RAD51D: variants seen among roughly 807,000 people sequenced by gnomAD.
RAD51D encodes the protein DNA repair protein RAD51 homolog 4.
In RAD51D, 38 loss-of-function variants were observed where a neutral mutation model predicts 44.1. The observed-to-expected ratio is 0.86, with a 90% CI of 0.67 to 1.13. The LOEUF (loss-of-function observed/expected upper bound fraction) is 1.13, where lower values mean the gene tolerates loss of function less well. Ranked by LOEUF, RAD51D falls within the 50% of genes most tolerant of loss-of-function variation. The pLI, the probability that RAD51D is intolerant of heterozygous loss-of-function variation, is 0.00. For missense variants in RAD51D, 390 were observed against 414.0 expected (o/e 0.94, Z 0.50); for synonymous variants, 141 against 166.6 (o/e 0.85, Z 1.18).
rs183103378 is a variant in RAD51D, at chr17:35,095,877, A to T, written c.*5076T>A. 1.3e-5 allele frequency: 2 copies of T among 152,250 alleles called. No homozygotes were observed. Among genetic ancestry groups the T allele is most frequent in the East Asian group, 3.9e-4 (2 of 5,180 alleles). The allele number at this position is 152,250 out of a possible 1,614,324, so 9.4% of individuals were successfully genotyped here. A position where few individuals can be genotyped will look rare whatever the true frequency, so the allele number is the denominator to read the frequency against. On this transcript the variant is annotated 3_prime_UTR_variant, in exon 10 of 10. Transcript: ENST00000345365. The stretch of plus-strand genomic sequence containing the variant: ...GCCTTAGTATGCAAACTAACTGAAA[A>T]CCTAATTTAGGAGTATACTTTTGTA...
At chr17:35,117,808 CCTT>C (rs1440538193) in intron 3 of RAD51D, among the ~76,000 whole-genome samples, 1 of 152,156 alleles carries the variant, frequency 6.6e-6, no homozygotes, top group East Asian at 1.9e-4. Flanking sequence ...GACCGCAACT[CCTT>C]CTTTCTCTGA....
intron 6 of RAD51D, among the ~76,000 whole-genome samples, chr17:35,105,565 G>A (rs1450364597): frequency 6.6e-6 from 1 of 152,198 alleles, no homozygotes; most frequent in Non-Finnish European, 1.5e-5. Flanking sequence ...AAAAGTTTGA[G>A]ATAAACTATT....
chr17:35,105,379 C>G (rs1233060411), intron 6 of RAD51D, among the ~76,000 whole-genome samples: 1 of 152,204 alleles, frequency 6.6e-6, no homozygotes, highest in African/African-American at 2.4e-5. Flanking sequence ...CAACCTCCAA[C>G]TGCTAGGCTC....
intron 3 of RAD51D, among the ~76,000 whole-genome samples, chr17:35,108,185 C>T (rs1434750518): frequency 2.0e-5 from 3 of 151,306 alleles, no homozygotes; most frequent in Non-Finnish European, 4.4e-5. Context: ...GTGGAGGTTA[C>T]AGTGAGCCGA....
chr17:35,119,598 C>G lies in RAD51D; in HGVS notation c.16G>C (p.Val6Leu), dbSNP rs368198698. Residue 6 changes from valine (V) to leucine (L), a missense_variant, in exon 1 of 10, where the codon GTC becomes CTC. Transcript: ENST00000345365. MGVLR[V>L]GLCPGLTEEM... is the part of the protein sequence containing the mutation. ...TCGGTAAGGCCAGGGCACAGTCCGA[C>G]CCTGAGCACGCCCATGTTCCCCGCA... The G allele has an allele frequency of 1.2e-6, 2 of 1,612,004 alleles. No homozygotes were observed. Among genetic ancestry groups the G allele is most frequent in the African/African-American group, 2.7e-5 (2 of 75,036 alleles).
At chr17:35,115,189 G>C in intron 3 of RAD51D, 1 of 479,488 alleles carries the variant, frequency 2.1e-6, no homozygotes, top group Non-Finnish European at 4.2e-6. Flanking sequence ...CTAGAATACA[G>C]GTGATTTCTG....
At position 35,096,614 on chromosome 17, in the gene RAD51D, A is replaced by T. The variant is rs1298104438; in HGVS notation, c.*4339T>A. 1 of 152,186 alleles carries T rather than the reference A, an allele frequency of 6.6e-6. No individual in the cohort carries two copies. The highest frequency in any genetic ancestry group is 1.5e-5 in the Non-Finnish European group (1 of 68,046). The allele number at this position is 152,186 out of a possible 1,614,324, so 9.4% of individuals were successfully genotyped here. A position where few individuals can be genotyped will look rare whatever the true frequency, so the allele number is the denominator to read the frequency against. The stretch of plus-strand genomic sequence containing the variant: ...GTGGCTCATGACTGTAATCCCTAGC[A>T]CTTTGGGAGGTCAAGGCGGGTAGAT... On this transcript the variant is annotated 3_prime_UTR_variant, in exon 10 of 10. Transcript: ENST00000345365.
At chr17:35,109,964 G>GT (rs1567730134) in intron 3 of RAD51D, among the ~76,000 whole-genome samples, 2 of 64,690 alleles carry the variant, frequency 3.1e-5, no homozygotes, top group East Asian at 1.3e-3. Flanking sequence ...ACCACGCCTG[G>GT]CTTTTTTTTT....
rs931704472 is a variant in RAD51D at position 35,094,737 on chromosome 17, T to C, written c.*6216A>G. On this transcript the variant is annotated 3_prime_UTR_variant, in exon 10 of 10. Coordinates refer to ENST00000345365, the MANE Select transcript of RAD51D (RefSeq NM_002878.4). ...GTCTGGATTCCCGTGCTGCCACTTA[T>C]TAGCTTTATGTCCTTAACCTCACTG... 2 of 152,242 alleles carry C rather than the reference T, an allele frequency of 1.3e-5. No individual in the cohort carries two copies. The highest frequency in any genetic ancestry group is 2.4e-5 in the African/African-American group (1 of 41,464). 9.4% of individuals were successfully genotyped at this position (152,242 alleles called of 1,614,324 possible).
At chr17:35,104,686 T>C (rs1265241154) in intron 6 of RAD51D, among the ~76,000 whole-genome samples, 1 of 152,188 alleles carries the variant, frequency 6.6e-6, no homozygotes, top group East Asian at 1.9e-4. Context: ...GCCTAGCCTG[T>C]GCCATCTTTC....
Position 35,100,167 on chromosome 17 carries a change from T to C in RAD51D, c.*786A>G, listed in dbSNP as rs2091517747. On this transcript the variant is annotated 3_prime_UTR_variant, in exon 10 of 10. Transcript: ENST00000345365. ...CAGGGCACCATGCATATTAAATGAG[T>C]GGCTGGATTCACCAGGAGCAGGTCA... The C allele has an allele frequency of 1.9e-6, 1 of 532,752 alleles. No homozygotes were observed. The highest frequency in any genetic ancestry group is 2.2e-5 in the Admixed American group (1 of 44,964). The allele number at this position is 532,752 out of a possible 1,614,324, so 33.0% of individuals were successfully genotyped here. A position where few individuals can be genotyped will look rare whatever the true frequency, so the allele number is the denominator to read the frequency against.
chr17:35,105,013 T>C (rs1395006480), intron 6 of RAD51D: 1 of 152,152 alleles, frequency 6.6e-6, no homozygotes, highest in Non-Finnish European at 1.5e-5. Context: ...AAATACTATG[T>C]CTTAAGCCAC....
rs781378161 is a variant in RAD51D, at chr17:35,107,404, T to C, written c.307A>G (p.Thr103Ala). ...CTACCTGGGCCTCCTACAATTTCAG[T>C]CACTTCTCCAGTATAGAGACCAGCA... The part of the protein sequence containing the change: ...LDAGLYTGEV[T>A]EIVGGPGSGK... The change falls in exon 4 of 10, where the codon ACT (threonine) becomes GCT (alanine). Residue 103 changes from threonine (T) to alanine (A), a missense_variant. Coordinates refer to ENST00000345365, the MANE Select transcript of RAD51D (RefSeq NM_002878.4). 8.3e-6 allele frequency: 13 copies of C among 1,566,862 alleles called. No homozygotes were observed. The African/African-American group carries it at 1.8e-4, about 21-fold the overall frequency.
At position 35,107,069 on chromosome 17, in the gene RAD51D, T is replaced by C. The variant is rs774111609; in HGVS notation, c.399A>G (p.Leu133=). 1.2e-6 allele frequency: 2 copies of C among 1,613,948 alleles called. No individual in the cohort carries two copies. The highest frequency in any genetic ancestry group is 1.7e-6 in the Non-Finnish European group (2 of 1,180,028). Reference sequence around the variant, plus strand: ...TCAGCCCTCCATTGGAATCTACATATAGGACGTTTTGCTGCAGGCCATGGG... The same window carrying C: ...TCAGCCCTCCATTGGAATCTACATACAGGACGTTTTGCTGCAGGCCATGGG... ...NVAHGLQQNV[L]YVDSNGGLTA... The change falls in exon 5 of 10, where the codon CTA becomes CTG. Residue 133 remains leucine (L), a synonymous_variant. Coordinates refer to ENST00000345365, the MANE Select transcript of RAD51D (RefSeq NM_002878.4).
chr17:35,102,240 T>C (rs562970926), intron 8 of RAD51D, among the ~76,000 whole-genome samples: 19 of 151,478 alleles, frequency 1.3e-4, no homozygotes, highest in Non-Finnish European at 2.5e-4. Context: ...TGCAGTGGCA[T>C]GATCACAGCT....
chr17:35,105,722 T>C (rs2091593779), intron 6 of RAD51D, among the ~76,000 whole-genome samples: 1 of 152,154 alleles, frequency 6.6e-6, no homozygotes, highest in Non-Finnish European at 1.5e-5. Flanking sequence ...GTTCAGCGAC[T>C]GGGCAGAAAT....
At chr17:35,106,133 G>A (rs767306128) in intron 6 of RAD51D, 3 of 649,758 alleles carry the variant, frequency 4.6e-6, no homozygotes, top group East Asian at 6.5e-5. Flanking sequence ...CTCACCTAGT[G>A]GGGAATGCAG....
chr17:35,095,322 A>C lies in RAD51D; in HGVS notation c.*5631T>G, dbSNP rs1281178612. The C allele has an allele frequency of 2.6e-5, 4 of 152,150 alleles. No individual in the cohort carries two copies. Among genetic ancestry groups the C allele is most frequent in the Non-Finnish European group, 5.9e-5 (4 of 68,034 alleles). The allele number at this position is 152,150 out of a possible 1,614,324, so 9.4% of individuals were successfully genotyped here. On this transcript the variant is annotated 3_prime_UTR_variant, in exon 10 of 10. Transcript: ENST00000345365. ...ACATGGTGAAACCCCATCTCTACTAAAAATACAAAAAGAGCCGGGGATGGG... is the reference window on the plus strand; with the variant it reads ...ACATGGTGAAACCCCATCTCTACTACAAATACAAAAAGAGCCGGGGATGGG...
In RAD51D at chr17:35,116,970, G is replaced by A. The variant is rs572710839; in HGVS notation, c.263+1531C>T. 2.7e-5 allele frequency: 44 copies of A among 1,613,748 alleles called. No homozygotes were observed. In the South Asian group the frequency reaches 3.5e-4, roughly 13 times the overall value. On this transcript the variant is annotated intron_variant, in intron 3 of 9. Transcript: ENST00000345365. ...CAGAGCATTCCTGACCCCACTCCAC[G>A]ATCTCCCTGCGGGGACCTGAGGCAG... is the stretch of plus-strand genomic sequence containing the variant.
Sources: gnomAD v4.1 joint callset for allele counts (sites outside exome capture counted in the v4.1 genomes callset) on GRCh38, gnomAD v4.1.1 for gene constraint, MANE v1.5 for transcripts, NCBI Gene and HGNC (gene_info 2026-07-23, HGNC 2026-07-21) for gene names.